The following PSMB3 variants were observed in gnomAD, a reference collection of about 807,000 sequenced individuals.
The protein encoded by PSMB3 is proteasome subunit beta type-3.
Under a neutral mutation model 23.3 loss-of-function variants are expected in PSMB3, and 5 were observed. The observed-to-expected ratio is 0.21, with a 90% confidence interval of 0.11 to 0.45. PSMB3 has a LOEUF of 0.45. Ranked by LOEUF, PSMB3 falls within the 20% of genes least tolerant of loss-of-function variation. The probability of loss-of-function intolerance (pLI) is 0.99; values close to 1 mark genes in which losing one functional copy is unlikely to be tolerated. For missense variants in PSMB3, 192 were observed against 277.9 expected, an observed-to-expected ratio of 0.69 and a Z score of 2.20; for synonymous variants, 85 against 99.8, an observed-to-expected ratio of 0.85 and a Z score of 0.88.
chr17:38,762,557 T>C (rs1260691053), intron 5 of PSMB3, 52 bp downstream of exon 5: 9 of 1,523,300 alleles, frequency 5.9e-6, no homozygotes, highest in East Asian at 2.3e-5. Flanking sequence ...CCTGCCTCTC[T>C]CCCTTCTCCA....
intron 3 of PSMB3, among the ~76,000 whole-genome samples, chr17:38,757,549 G>T (rs969069646): frequency 2.0e-5 from 3 of 151,672 alleles, no homozygotes; most frequent in Non-Finnish European, 1.5e-5. Flanking sequence ...GGGCGTGGTG[G>T]CTCATGCCTG....
At position 38,764,104 on chromosome 17, in the gene PSMB3, T is replaced by C. The variant is rs1908577078; in HGVS notation, c.570-15T>C. 1.9e-6 allele frequency: 3 copies of C among 1,614,136 alleles called. No homozygotes were observed. The highest frequency in any genetic ancestry group is 1.1e-5 in the South Asian group (1 of 91,074). On this transcript the variant is annotated splice_polypyrimidine_tract_variant and intron_variant, in intron 5 of 5. Coordinates refer to ENST00000619426, the MANE Select transcript of PSMB3 (RefSeq NM_002795.4). ...ATGGGTAGAGATGTTTTCTTGTGAT[T>C]TTCTCCCTCTGCAGCGAGAAGGACA... is the stretch of plus-strand genomic sequence containing the variant.
intron 3 of PSMB3, 178 bp from the exon 4 acceptor site, chr17:38,760,253 T>C (rs1908376932): frequency 1.6e-6 from 1 of 609,718 alleles, no homozygotes; most frequent in Admixed American, 3.2e-5. Flanking sequence ...TCTTAGAATA[T>C]TTCTAGCTGG....
intron 5 of PSMB3, 53 bp from the exon 6 acceptor site, chr17:38,764,066 A>G (rs1908573288): frequency 1.2e-6 from 2 of 1,608,534 alleles, no homozygotes; most frequent in South Asian, 2.2e-5. Flanking sequence ...AGCTAGTCAC[A>G]GTCACGGTCC....
intron 2 of PSMB3, 61 bp from the exon 3 acceptor site, chr17:38,755,822 C>T: frequency 7.1e-7 from 1 of 1,414,502 alleles, no homozygotes; most frequent in Non-Finnish European, 1.0e-6. Flanking sequence ...CTGACCTCAA[C>T]AGGGTAGACA....
chr17:38,753,549 G>T (rs929590488), intron 2 of PSMB3, among the ~76,000 whole-genome samples: 11 of 151,664 alleles, frequency 7.3e-5, no homozygotes. Context: ...CATGATCTCA[G>T]CTCACTGCAA....
At position 38,753,239 on chromosome 17, in the gene PSMB3, G is replaced by T. The variant is rs766622126; in HGVS notation, c.93G>T (p.Gln31His). The stretch of plus-strand genomic sequence containing the variant: ...CTGCAGACAGGCGCTTCGGGATCCA[G>T]GCCCAGATGGTGACCACGGACTTCC... ...AIAADRRFGI[Q>H]AQMVTTDFQK... Residue 31 changes from glutamine (Q) to histidine (H), a missense_variant, in exon 2 of 6, where the codon CAG (glutamine) becomes CAT (histidine). By Grantham distance (24) the Gln-to-His change is conservative (BLOSUM62 0). Coordinates refer to ENST00000619426, the MANE Select transcript of PSMB3 (RefSeq NM_002795.4). 12 of 1,614,130 alleles carry T rather than the reference G, an allele frequency of 7.4e-6. No individual in the cohort carries two copies. The highest frequency in any genetic ancestry group is 9.3e-6 in the Non-Finnish European group (11 of 1,180,048).
chr17:38,762,610 G>A, intron 5 of PSMB3, 105 bp downstream of exon 5: 1 of 1,095,294 alleles, frequency 9.1e-7, no homozygotes, highest in Non-Finnish European at 1.4e-6. Flanking sequence ...TCAGGTGTGA[G>A]ATAAGAAAGG....
At chr17:38,753,032 G>T in intron 1 of PSMB3, 118 bp from the exon 2 acceptor site, 1 of 1,296,650 alleles carries the variant, frequency 7.7e-7, no homozygotes, top group South Asian at 1.4e-5. Flanking sequence ...AGAACCAGGG[G>T]TTCAGACGCC....
chr17:38,763,094 C>T lies in PSMB3; in HGVS notation c.569+589C>T, dbSNP rs141861145. ...GTATTTGGCCAGGCGCGTTGGCTCA[C>T]GCCTGTAATCCCAGCACTTTGGGAG... On this transcript the variant is annotated intron_variant, in intron 5 of 5. Coordinates refer to ENST00000619426, the MANE Select transcript of PSMB3 (RefSeq NM_002795.4). Among the ~76,000 whole-genome samples the T allele has an allele frequency of 5.9e-3, 898 of 152,278 alleles. 13 individuals carry two copies. The highest frequency in any genetic ancestry group is 0.021 in the African/African-American group (865 of 41,560).
intron 4 of PSMB3, 41 bp downstream of exon 4, chr17:38,760,649 C>T: frequency 6.2e-7 from 1 of 1,610,546 alleles, no homozygotes; most frequent in South Asian, 1.1e-5. Flanking sequence ...TCTGAGTTAC[C>T]CACCCTTGGT....
chr17:38,760,303 T>A, intron 3 of PSMB3, 128 bp from the exon 4 acceptor site: 1 of 961,124 alleles, frequency 1.0e-6, no homozygotes, highest in Non-Finnish European at 1.5e-6. Flanking sequence ...GGAAAGGTGA[T>A]CTTCCTAAAC....
chr17:38,755,810 C>A, intron 2 of PSMB3, 73 bp from the exon 3 acceptor site: 1 of 1,306,296 alleles, frequency 7.7e-7, no homozygotes, highest in Non-Finnish European at 1.1e-6. Context: ...CCTTATGTTT[C>A]CCTGACCTCA....
chr17:38,755,218 G>A (rs974823499), intron 2 of PSMB3: 2 of 152,010 alleles, frequency 1.3e-5, no homozygotes, highest in African/African-American at 4.8e-5. Context: ...CAATCCTTCC[G>A]CCTCAGTCTC....
intron 5 of PSMB3, among the ~76,000 whole-genome samples, chr17:38,763,137 A>C (rs1908513869): frequency 6.6e-6 from 1 of 152,096 alleles, no homozygotes; most frequent in Non-Finnish European, 1.5e-5. Context: ...TGGGCAGATC[A>C]CTTGAGGTCA....
At chr17:38,757,857 T>C (rs746171894) in intron 3 of PSMB3, among the ~76,000 whole-genome samples, 5 of 152,126 alleles carry the variant, frequency 3.3e-5, no homozygotes, top group Admixed American at 6.5e-5. Context: ...GGTTTCATCA[T>C]GTTGGCCAGG....
intron 2 of PSMB3, among the ~76,000 whole-genome samples, chr17:38,755,672 A>ATGTGTGTGTGTG (rs1296883337): frequency 1.5e-4 from 13 of 88,776 alleles, no homozygotes; most frequent in Middle Eastern, 6.0e-3. Flanking sequence ...ATATATATAT[A>ATGTGTGTGTGTG]TATATATATA....
chr17:38,756,111 T>G, intron 3 of PSMB3, 121 bp downstream of exon 3: 1 of 815,532 alleles, frequency 1.2e-6, no homozygotes, highest in Admixed American at 2.6e-5. Context: ...ATAATATCCT[T>G]ATTTTATGGG....
chr17:38,759,124 A>G (rs1598032940), intron 3 of PSMB3, among the ~76,000 whole-genome samples: 1 of 152,260 alleles, frequency 6.6e-6, no homozygotes, highest in Admixed American at 6.5e-5. Context: ...CTTTCTACTG[A>G]GGATATTGGC....
Sources: gnomAD v4.1 joint callset for allele counts (sites outside exome capture counted in the v4.1 genomes callset) on GRCh38, gnomAD v4.1.1 for gene constraint, MANE v1.5 for transcripts, NCBI Gene and HGNC (gene_info 2026-07-23, HGNC 2026-07-21) for gene names.